Variants in NTRK3 observed in about 807,000 individuals in gnomAD.
The protein encoded by NTRK3 is neurotrophic receptor tyrosine kinase 3.
A neutral mutation model predicts 91.7 loss-of-function variants in NTRK3; 24 were observed. The observed-to-expected ratio is 0.26, with a 90% confidence interval of 0.19 to 0.37. NTRK3 has a LOEUF of 0.37. Among genes scored for constraint, NTRK3 ranks in the 10% least tolerant of loss-of-function variants. The pLI, the probability that NTRK3 is intolerant of heterozygous loss-of-function variation, is 1.00. For missense variants in NTRK3, 880 were observed against 1,068.9 expected, an observed-to-expected ratio of 0.82 and a Z score of 2.46; for synonymous variants, 483 against 404.0, an observed-to-expected ratio of 1.20 and a Z score of -2.34.
chr15:88,068,433 AAAAAC>A (rs376024182), intron 13 of NTRK3, among the ~76,000 whole-genome samples: 49 of 152,328 alleles, frequency 3.2e-4, no homozygotes, highest in African/African-American at 6.5e-4. Flanking sequence ...TCCATCTCAA[AAAAAC>A]AAAACAAAAC....
chr15:88,189,636 T>A (rs6496468), intron 3 of NTRK3, among the ~76,000 whole-genome samples: 2 of 151,562 alleles, frequency 1.3e-5, no homozygotes, highest in Non-Finnish European at 2.9e-5. Context: ...TAGAGACAGG[T>A]TTTCACCATG....
intron 13 of NTRK3, among the ~76,000 whole-genome samples, chr15:88,038,556 G>A (rs1339404073): frequency 6.6e-6 from 1 of 152,120 alleles, no homozygotes; most frequent in Non-Finnish European, 1.5e-5. Flanking sequence ...TGAAAAGCCA[G>A]TCTCAGCTTC....
exon 19 of NTRK3, chr15:87,865,553 G>T (rs2064645412): frequency 4.6e-6 from 1 of 216,818 alleles, no homozygotes. Context: ...TGCTGGTCCT[G>T]GCATGAACAG....
intron 3 of NTRK3, among the ~76,000 whole-genome samples, chr15:88,204,249 G>C (rs1249243176): frequency 6.6e-6 from 1 of 152,074 alleles, no homozygotes; most frequent in Non-Finnish European, 1.5e-5. Flanking sequence ...ACAATCTAAT[G>C]CCTTTCAGAC....
intron 13 of NTRK3, among the ~76,000 whole-genome samples, chr15:88,123,811 G>A (rs2052994874): frequency 1.3e-5 from 2 of 152,250 alleles, no homozygotes; most frequent in Non-Finnish European, 2.9e-5. Flanking sequence ...GGTTCAATAA[G>A]AGGTTATGGA....
At chr15:87,949,493 C>G (rs901630020) in intron 14 of NTRK3, among the ~76,000 whole-genome samples, 3 of 151,960 alleles carry the variant, frequency 2.0e-5, no homozygotes, top group African/African-American at 4.8e-5. Flanking sequence ...AATAAGACAC[C>G]CTGCTGTTTC....
chr15:88,205,181 G>A (rs369979679), intron 3 of NTRK3, among the ~76,000 whole-genome samples: 9 of 152,276 alleles, frequency 5.9e-5, no homozygotes, highest in Middle Eastern at 3.4e-3. Flanking sequence ...GTGGGAAGAC[G>A]AGGGATCTGG....
chr15:88,018,049 T>A (rs10468103), intron 14 of NTRK3, among the ~76,000 whole-genome samples: 74,502 of 151,986 alleles, frequency 0.49, 19,387 homozygotes, highest in African/African-American at 0.67. Context: ...AAGCTACAGA[T>A]CCACCAGCGA....
At chr15:87,996,179 G>A (rs979192079) in intron 14 of NTRK3, among the ~76,000 whole-genome samples, 2 of 152,162 alleles carry the variant, frequency 1.3e-5, no homozygotes, top group Non-Finnish European at 2.9e-5. Context: ...GGGAGGCGGA[G>A]GTTGCAGTGA....
exon 19 of NTRK3, chr15:87,876,734 T>A: frequency 2.6e-6 from 1 of 390,452 alleles, no homozygotes; most frequent in Non-Finnish European, 4.8e-6. Context: ...TATATATATA[T>A]ATATTTGCCA....
chr15:88,040,790 T>G (rs1015853472), intron 13 of NTRK3, among the ~76,000 whole-genome samples: 2 of 152,080 alleles, frequency 1.3e-5, no homozygotes, highest in Non-Finnish European at 2.9e-5. Context: ...AAAGGAAAGA[T>G]GGAGGGAAAA....
chr15:87,890,471 C>T (rs1356988946), intron 17 of NTRK3, among the ~76,000 whole-genome samples: 1 of 151,866 alleles, frequency 6.6e-6, no homozygotes, highest in African/African-American at 2.4e-5. Flanking sequence ...TCTTTATTTG[C>T]TAGTTATTAG....
intron 13 of NTRK3, among the ~76,000 whole-genome samples, chr15:88,044,864 A>G (rs1195588842): frequency 2.0e-5 from 3 of 152,178 alleles, no homozygotes; most frequent in Non-Finnish European, 4.4e-5. Context: ...CCCTTTTATT[A>G]GAAAATATTT....
chr15:88,158,673 A>T (rs1180857743), intron 5 of NTRK3, among the ~76,000 whole-genome samples: 1 of 152,178 alleles, frequency 6.6e-6, no homozygotes, highest in African/African-American at 2.4e-5. Flanking sequence ...TTTCAGATAA[A>T]TTAACCTAAG....
intron 13 of NTRK3, among the ~76,000 whole-genome samples, chr15:88,055,487 ACAT>A (rs1238556459): frequency 3.9e-5 from 6 of 152,280 alleles, no homozygotes; most frequent in African/African-American, 1.4e-4. Flanking sequence ...ACCCTTGAAA[ACAT>A]CATCATCATT....
intron 14 of NTRK3, among the ~76,000 whole-genome samples, chr15:87,963,236 G>C (rs933024468): frequency 5.3e-5 from 8 of 152,142 alleles, no homozygotes; most frequent in Non-Finnish European, 2.9e-5. Flanking sequence ...CTGCCACTGA[G>C]CCATCTCCCT....
intron 13 of NTRK3, among the ~76,000 whole-genome samples, chr15:88,091,978 G>A (rs2049058455): frequency 6.6e-6 from 1 of 152,208 alleles, no homozygotes; most frequent in African/African-American, 2.4e-5. Flanking sequence ...GCAAAAGGCA[G>A]CATTTTAATA....
At chr15:88,162,876 A>T (rs1383820807) in intron 5 of NTRK3, among the ~76,000 whole-genome samples, 1 of 151,790 alleles carries the variant, frequency 6.6e-6, no homozygotes, top group Non-Finnish European at 1.5e-5. Context: ...GATCAGGGAG[A>T]CCTCTAGACC....
At chr15:87,942,261 G>T (rs754530989) in intron 14 of NTRK3, among the ~76,000 whole-genome samples, 2 of 152,184 alleles carry the variant, frequency 1.3e-5, no homozygotes, top group African/African-American at 2.4e-5. Context: ...AGCTGCTGAC[G>T]ACCGCTCCTC....
Sources: allele counts gnomAD v4.1 joint callset (sites outside exome capture counted in the v4.1 genomes callset), GRCh38; gene constraint gnomAD v4.1.1; transcripts MANE v1.5; gene names NCBI Gene and HGNC (gene_info 2026-07-23, HGNC 2026-07-21).